The following ATRNL1 variants were observed in gnomAD, a reference collection of about 807,000 sequenced individuals.
ATRNL1 encodes the protein attractin like 1.
A neutral mutation model predicts 182.7 loss-of-function variants in ATRNL1; 95 were observed. The observed-to-expected ratio is 0.52, with a 90% CI of 0.44 to 0.62. The LOEUF (loss-of-function observed/expected upper bound fraction) is 0.62. Among genes scored for constraint, ATRNL1 ranks in the 20% least tolerant of loss-of-function variants. ATRNL1 has a pLI of 0.00. For synonymous variants in ATRNL1, 576 were observed against 568.3 expected (o/e 1.01, Z -0.19); for missense variants, 1,471 against 1,679.5 (o/e 0.88, Z 2.17).
chr10:115,637,655 C>T (rs2420088), intron 26 of ATRNL1, among the ~76,000 whole-genome samples: 42,137 of 146,096 alleles, frequency 0.29, 6,863 homozygotes, highest in East Asian at 0.58. Flanking sequence ...GATGGAATCT[C>T]GCTCTGTCAC....
chr10:115,489,968 C>G (rs546953656), intron 24 of ATRNL1, among the ~76,000 whole-genome samples: 4 of 152,220 alleles, frequency 2.6e-5, no homozygotes, highest in African/African-American at 9.6e-5. Context: ...ATTTTATTTT[C>G]TCCTTCTCTT....
At chr10:115,653,017 A>G (rs782333236) in intron 26 of ATRNL1, among the ~76,000 whole-genome samples, 1 of 152,102 alleles carries the variant, frequency 6.6e-6, no homozygotes, top group Non-Finnish European at 1.5e-5. Context: ...TTTATTTGTC[A>G]TTGCGTAAAA....
At chr10:115,925,871 A>G (rs1953215297) in intron 28 of ATRNL1, among the ~76,000 whole-genome samples, 1 of 152,202 alleles carries the variant, frequency 6.6e-6, no homozygotes, top group Non-Finnish European at 1.5e-5. Flanking sequence ...AAAATTAGCA[A>G]GGATATTCAG....
chr10:115,771,379 C>T (rs968986321), intron 27 of ATRNL1, among the ~76,000 whole-genome samples: 4 of 151,974 alleles, frequency 2.6e-5, no homozygotes, highest in African/African-American at 7.2e-5. Context: ...TACAGGCGCC[C>T]GCCACCACAC....
intron 28 of ATRNL1, among the ~76,000 whole-genome samples, chr10:115,915,643 C>T (rs1178744897): frequency 6.6e-6 from 1 of 152,092 alleles, no homozygotes. Context: ...TTTAAATGAA[C>T]ATCTTGCCTT....
At chr10:115,818,847 A>G (rs1555089384) in intron 27 of ATRNL1, among the ~76,000 whole-genome samples, 1 of 152,082 alleles carries the variant, frequency 6.6e-6, no homozygotes, top group Non-Finnish European at 1.5e-5. Flanking sequence ...CCCAGATGCC[A>G]TGCTAGTCAC....
chr10:115,562,096 T>C (rs1853793972), intron 26 of ATRNL1, among the ~76,000 whole-genome samples: 1 of 152,222 alleles, frequency 6.6e-6, no homozygotes, highest in Non-Finnish European at 1.5e-5. Context: ...CATTATTCAT[T>C]ACAGCTTTAA....
At chr10:115,295,622 T>C (rs1269020737) in intron 15 of ATRNL1, among the ~76,000 whole-genome samples, 1 of 152,100 alleles carries the variant, frequency 6.6e-6, no homozygotes, top group Non-Finnish European at 1.5e-5. Flanking sequence ...TAGGGGCGTA[T>C]TAGCTGCACA....
intron 18 of ATRNL1, among the ~76,000 whole-genome samples, chr10:115,319,517 C>T (rs1208430033): frequency 6.6e-6 from 1 of 152,100 alleles, no homozygotes; most frequent in Non-Finnish European, 1.5e-5. Flanking sequence ...GTGTGGGAGT[C>T]TAAGTCTCTT....
intron 8 of ATRNL1, among the ~76,000 whole-genome samples, chr10:115,187,515 A>C (rs187625236): frequency 6.6e-6 from 1 of 152,180 alleles, no homozygotes; most frequent in East Asian, 1.9e-4. Context: ...ACTGGATTCT[A>C]TGCTGGATGA....
In ATRNL1 at chr10:115,665,639, C is replaced by T. The variant is rs574679213; in HGVS notation, c.3796-61609C>T. On this transcript the variant is annotated intron_variant, in intron 26 of 28. Transcript: ENST00000355044. ...CTATCTGGAAATTCTCTTTCTTCACCACATATATTTAAGAATTACTAAATA... is the reference window on the plus strand; with the variant it reads ...CTATCTGGAAATTCTCTTTCTTCACTACATATATTTAAGAATTACTAAATA... Among the ~76,000 whole-genome samples the T allele has an allele frequency of 1.5e-3, 232 of 152,170 alleles. 4 individuals are homozygous for T. The highest frequency in any genetic ancestry group is 2.9e-3 in the Non-Finnish European group (196 of 68,000).
intron 26 of ATRNL1, among the ~76,000 whole-genome samples, chr10:115,611,889 C>T (rs1436816310): frequency 6.6e-6 from 1 of 151,928 alleles, no homozygotes; most frequent in Non-Finnish European, 1.5e-5. Context: ...CATCAAAGAA[C>T]TAAATTGACA....
intron 26 of ATRNL1, among the ~76,000 whole-genome samples, chr10:115,554,173 C>A (rs1554996398): frequency 1.3e-5 from 2 of 151,464 alleles, no homozygotes; most frequent in African/African-American, 2.4e-5. Context: ...GTAAATATTT[C>A]ACTCAAATAA....
intron 26 of ATRNL1, among the ~76,000 whole-genome samples, chr10:115,628,385 A>G (rs1858251682): frequency 6.6e-6 from 1 of 151,994 alleles, no homozygotes; most frequent in Non-Finnish European, 1.5e-5. Context: ...TTTTGGAGAA[A>G]CGTCTATTCA....
rs532501839 is a variant in ATRNL1 at position 115,283,370 on chromosome 10, C to T, written c.2233+1883C>T. 2.2e-3 allele frequency among the ~76,000 whole-genome samples: 338 copies of T among 152,142 alleles called. 3 individuals carry two copies. Among genetic ancestry groups the T allele is most frequent in the Middle Eastern group, 0.017 (5 of 294 alleles). ...TGGAGGTTGCAGTGAGCAGAGATCA[C>T]GCCATTGCACCCCAGCCTGGGTGAC... On this transcript the variant is annotated intron_variant, in intron 14 of 28. Coordinates refer to ENST00000355044, the MANE Select transcript of ATRNL1 (RefSeq NM_207303.4).
At chr10:115,120,369 A>C in intron 2 of ATRNL1, 101 bp downstream of exon 2, 3 of 596,782 alleles carry the variant, frequency 5.0e-6, no homozygotes, top group Non-Finnish European at 2.8e-6. Flanking sequence ...TTTATCATTT[A>C]GTTTGTTTAT....
At chr10:115,246,975 T>C (rs955101155) in intron 10 of ATRNL1, among the ~76,000 whole-genome samples, 5 of 152,130 alleles carry the variant, frequency 3.3e-5, no homozygotes, top group Non-Finnish European at 5.9e-5. Context: ...CTTTAATAAA[T>C]AGTTCTGGGA....
rs1554910951 is a variant in ATRNL1 at position 115,266,947 on chromosome 10, A to G, written c.1923A>G (p.Glu641=). 3.1e-6 allele frequency: 5 copies of G among 1,612,160 alleles called. No homozygotes were observed. Among genetic ancestry groups the G allele is most frequent in the Non-Finnish European group, 8.5e-7 (1 of 1,178,898 alleles). ...IKCVWNKNHC[E]SWESGNTNNI... Reference sequence around the variant, plus strand: ...GTGTTTGGAATAAAAATCACTGTGAATCTTGGGAATCTGGGAATACTAATA... The same window carrying G: ...GTGTTTGGAATAAAAATCACTGTGAGTCTTGGGAATCTGGGAATACTAATA... The change falls in exon 12 of 29, where the codon GAA becomes GAG. Residue 641 remains glutamate, a synonymous_variant. Coordinates refer to ENST00000355044, the MANE Select transcript of ATRNL1 (RefSeq NM_207303.4).
intron 19 of ATRNL1, among the ~76,000 whole-genome samples, chr10:115,368,720 T>TG: frequency 6.6e-6 from 1 of 152,016 alleles, no homozygotes; most frequent in Admixed American, 6.6e-5. Context: ...GATTCTATTT[T>TG]TTTTTTTTTT....
Sources: gnomAD v4.1 joint callset for allele counts (sites outside exome capture counted in the v4.1 genomes callset) on GRCh38, gnomAD v4.1.1 for gene constraint, MANE v1.5 for transcripts, NCBI Gene and HGNC (gene_info 2026-07-23, HGNC 2026-07-21) for gene names.